PI4KA: variants seen among roughly 807,000 people sequenced by gnomAD.
PI4KA encodes PI4-kinase alpha.
Under a neutral mutation model 271.4 loss-of-function variants are expected in PI4KA, and 122 were observed. The observed-to-expected ratio is 0.45, with a 90% CI of 0.39 to 0.52. The LOEUF is 0.52. Among genes scored for constraint, PI4KA ranks in the 20% least tolerant of loss-of-function variants. The pLI, the probability that PI4KA is intolerant of heterozygous loss-of-function variation, is 0.00. For synonymous variants in PI4KA, 1,041 were observed against 1,078.8 expected (o/e 0.96, Z 0.69); for missense variants, 1,969 against 2,769.1 (o/e 0.71, Z 6.48).
intron 1 of PI4KA, among the ~76,000 whole-genome samples, chr22:20,845,320 G>C (rs1926100141): frequency 6.6e-6 from 1 of 152,118 alleles, no homozygotes; most frequent in Non-Finnish European, 1.5e-5. Context: ...CCATAACAGA[G>C]GGTATTTGTA....
intron 3 of PI4KA, among the ~76,000 whole-genome samples, chr22:20,825,069 CAA>C (rs362248): frequency 3.9e-5 from 3 of 76,908 alleles, no homozygotes; most frequent in African/African-American, 1.7e-4. Context: ...GACGCCATCT[CAA>C]AAAAAAAAAA....
At chr22:20,780,628 T>A (rs1195444361) in intron 19 of PI4KA, among the ~76,000 whole-genome samples, 2 of 151,676 alleles carry the variant, frequency 1.3e-5, no homozygotes, top group Non-Finnish European at 2.9e-5. Flanking sequence ...ATACAAAAAT[T>A]AGCTGGGCCT....
chr22:20,733,979 C>G (rs1440566720), intron 34 of PI4KA, 64 bp downstream of exon 34: 1 of 1,524,282 alleles, frequency 6.6e-7, no homozygotes, highest in Non-Finnish European at 8.8e-7. Flanking sequence ...CCGTGATACA[C>G]AGACGCCCCA....
At position 20,790,525 on chromosome 22, in the gene PI4KA, G is replaced by C. The variant is rs558356317; in HGVS notation, c.2328+2668C>G. Among the ~76,000 whole-genome samples the C allele has an allele frequency of 2.0e-5, 3 of 152,056 alleles. No homozygotes were observed. The South Asian group carries it at 6.2e-4, about 32-fold the overall frequency. Reference sequence around the variant, plus strand: ...AAAATACAAAAATTAGCCGTGCATGGTGGTGCACACCTGTAATTCCAGCTG... The same window carrying C: ...AAAATACAAAAATTAGCCGTGCATGCTGGTGCACACCTGTAATTCCAGCTG... On this transcript the variant is annotated intron_variant, in intron 19 of 54. Coordinates refer to ENST00000255882, the MANE Select transcript of PI4KA (RefSeq NM_058004.4).
intron 9 of PI4KA, among the ~76,000 whole-genome samples, chr22:20,808,345 G>A (rs1455759982): frequency 3.3e-5 from 5 of 151,662 alleles, no homozygotes; most frequent in Non-Finnish European, 5.9e-5. Context: ...CAGCACTTTG[G>A]GAGGCCAAGG....
chr22:20,820,388 G>T, intron 5 of PI4KA, 151 bp downstream of exon 5: 1 of 608,596 alleles, frequency 1.6e-6, no homozygotes, highest in African/African-American at 1.9e-5. Context: ...TGTGGCCTCT[G>T]AGGATACTAA....
intron 19 of PI4KA, chr22:20,780,271 T>A (rs998135570): frequency 1.3e-6 from 2 of 1,598,438 alleles, no homozygotes; most frequent in Non-Finnish European, 1.7e-6. Flanking sequence ...GTAGATTGAA[T>A]GCCAAGAACT....
intron 8 of PI4KA, among the ~76,000 whole-genome samples, chr22:20,811,908 G>A (rs1229734039): frequency 6.6e-6 from 1 of 151,558 alleles, no homozygotes; most frequent in Non-Finnish European, 1.5e-5. Context: ...AGCTACTCAG[G>A]AGGCTGAGGG....
intron 5 of PI4KA, 46 bp from the exon 6 acceptor site, chr22:20,819,946 TA>T (rs1922412110): frequency 6.7e-7 from 1 of 1,490,382 alleles, no homozygotes; most frequent in African/African-American, 1.4e-5. Flanking sequence ...AGTATCCTGA[TA>T]GAGTCATATA....
chr22:20,856,437 CTTTTTT>C (rs362093), intron 1 of PI4KA, among the ~76,000 whole-genome samples: 1 of 136,902 alleles, frequency 7.3e-6, no homozygotes, highest in Admixed American at 7.3e-5. Context: ...TAATCTTTTT[CTTTTTT>C]TTTTTTTTTT....
At chr22:20,749,391 A>C (rs977391567) in intron 28 of PI4KA, among the ~76,000 whole-genome samples, 2 of 152,184 alleles carry the variant, frequency 1.3e-5, no homozygotes, top group Non-Finnish European at 2.9e-5. Flanking sequence ...GTGGCATTAC[A>C]TGGTTTACTT....
At chr22:20,773,504 T>C (rs1473101021) in intron 19 of PI4KA, among the ~76,000 whole-genome samples, 1 of 152,224 alleles carries the variant, frequency 6.6e-6, no homozygotes, top group Non-Finnish European at 1.5e-5. Flanking sequence ...AATAGTCCTA[T>C]CTGTCCCACA....
chr22:20,773,780 C>T (rs1230457851), intron 19 of PI4KA: 2 of 152,406 alleles, frequency 1.3e-5, no homozygotes, highest in Non-Finnish European at 2.9e-5. Context: ...TGCATGGTCT[C>T]TACTTTCAGC....
At chr22:20,738,084 C>A (rs1928952118) in intron 32 of PI4KA, among the ~76,000 whole-genome samples, 1 of 152,182 alleles carries the variant, frequency 6.6e-6, no homozygotes, top group Non-Finnish European at 1.5e-5. Context: ...CACTTGTCCT[C>A]TTCTGGGAAG....
Position 20,799,736 on chromosome 22 carries a change from T to G in PI4KA, c.1755A>C (p.Pro585=). The change falls in exon 15 of 55, where the codon CCA becomes CCC. Residue 585 remains proline (P), a synonymous_variant. Transcript: ENST00000255882. Reference sequence around the variant, plus strand: ...TGGCCAAGAACGCCTCCACAATCACTGGGTCCACCGTCAATCCAGCCTTCA... The same window carrying G: ...TGGCCAAGAACGCCTCCACAATCACGGGGTCCACCGTCAATCCAGCCTTCA... ...RCLKAGLTVD[P]VIVEAFLASL... 1 of 1,552,956 alleles carries G rather than the reference T, an allele frequency of 6.4e-7. No individual in the cohort carries two copies. The highest frequency in any genetic ancestry group is 8.7e-7 in the Non-Finnish European group (1 of 1,147,666).
chr22:20,794,007 G>A (rs144325751), intron 18 of PI4KA, among the ~76,000 whole-genome samples: 7 of 152,360 alleles, frequency 4.6e-5, no homozygotes, highest in African/African-American at 1.7e-4. Context: ...CGATTCATGG[G>A]AGGTCTCAGT....
chr22:20,786,430 C>T (rs1011902209), intron 19 of PI4KA, among the ~76,000 whole-genome samples: 6 of 152,178 alleles, frequency 3.9e-5, no homozygotes, highest in East Asian at 1.9e-4. Flanking sequence ...ACATGTGCTG[C>T]GGTCTGGGAA....
chr22:20,801,919 T>C, intron 14 of PI4KA, 54 bp downstream of exon 14: 1 of 1,590,692 alleles, frequency 6.3e-7, no homozygotes, highest in Non-Finnish European at 8.6e-7. Context: ...TATTTTGTAA[T>C]AACCCGCTTG....
intron 1 of PI4KA, among the ~76,000 whole-genome samples, chr22:20,843,702 C>T (rs935462714): frequency 1.3e-5 from 2 of 152,116 alleles, no homozygotes; most frequent in Admixed American, 6.5e-5. Flanking sequence ...TATCCTATTC[C>T]TGTTTTACAG....
Sources: gnomAD v4.1 joint callset for allele counts (sites outside exome capture counted in the v4.1 genomes callset) on GRCh38, gnomAD v4.1.1 for gene constraint, MANE v1.5 for transcripts, NCBI Gene and HGNC (gene_info 2026-07-23, HGNC 2026-07-21) for gene names.